The following MAPRE2 variants were observed in gnomAD, a reference collection of about 807,000 sequenced individuals.
MAPRE2 encodes the protein microtubule associated protein RP/EB family member 2, also known as microtubule-associated protein RP/EB family member 2.
A neutral mutation model predicts 43.2 loss-of-function variants in MAPRE2; 13 were observed. That is an observed-to-expected ratio of 0.30 (90% CI 0.20 to 0.48). The LOEUF (loss-of-function observed/expected upper bound fraction) is 0.48, where lower values mean the gene tolerates loss of function less well. MAPRE2 is among the 20% of genes least tolerant of loss of function. The probability of loss-of-function intolerance (pLI) is 0.99; values close to 1 mark genes in which losing one functional copy is unlikely to be tolerated. For missense variants in MAPRE2, 161 were observed against 400.2 expected, an observed-to-expected ratio of 0.40 and a Z score of 5.10; for synonymous variants, 135 against 148.8, an observed-to-expected ratio of 0.91 and a Z score of 0.68.
chr18:35,080,809 A>G (rs971215153), intron 2 of MAPRE2, among the ~76,000 whole-genome samples: 2 of 134,264 alleles, frequency 1.5e-5, no homozygotes, highest in African/African-American at 6.8e-5. Flanking sequence ...CATTTTTCAG[A>G]TTGCGTTTTT....
intron 2 of MAPRE2, among the ~76,000 whole-genome samples, chr18:35,025,562 T>C (rs778432290): frequency 1.9e-4 from 29 of 152,188 alleles, no homozygotes; most frequent in Admixed American, 3.3e-4. Flanking sequence ...TGTTCCCAAC[T>C]CTATGTGCTC....
intron 1 of MAPRE2, among the ~76,000 whole-genome samples, chr18:35,069,475 G>C (rs904043806): frequency 4.6e-5 from 7 of 152,024 alleles, no homozygotes; most frequent in Non-Finnish European, 7.4e-5. Flanking sequence ...ATCTGGCTTG[G>C]TAGGCTAGGA....
At chr18:35,092,268 A>G (rs1908188538) in intron 2 of MAPRE2, among the ~76,000 whole-genome samples, 1 of 152,220 alleles carries the variant, frequency 6.6e-6, no homozygotes, top group African/African-American at 2.4e-5. Context: ...CTGAAAATAG[A>G]TACATAGAAC....
intron 2 of MAPRE2, among the ~76,000 whole-genome samples, chr18:35,018,554 G>A (rs1416958956): frequency 6.6e-6 from 1 of 151,532 alleles, no homozygotes; most frequent in Non-Finnish European, 1.5e-5. Flanking sequence ...TCAATCTTGG[G>A]AGACTGTGTA....
intron 4 of MAPRE2, among the ~76,000 whole-genome samples, chr18:35,119,455 C>T (rs1335594744): frequency 6.6e-6 from 1 of 152,150 alleles, no homozygotes; most frequent in Non-Finnish European, 1.5e-5. Context: ...GTCTAGTTCC[C>T]CTGTTAGAAT....
At chr18:35,101,674 A>G (rs779117912) in intron 3 of MAPRE2, among the ~76,000 whole-genome samples, 8 of 152,194 alleles carry the variant, frequency 5.3e-5, no homozygotes, top group Non-Finnish European at 7.3e-5. Flanking sequence ...TTCACTTAGC[A>G]TAATGATCTC....
intron 1 of MAPRE2, among the ~76,000 whole-genome samples, chr18:35,045,323 GC>G (rs1434184599): frequency 3.3e-5 from 5 of 152,136 alleles, no homozygotes; most frequent in African/African-American, 1.2e-4. Flanking sequence ...CTGGCTCTCT[GC>G]CCACTGCATC....
chr18:35,094,617 A>C (rs1476270304), intron 2 of MAPRE2, among the ~76,000 whole-genome samples: 1 of 152,210 alleles, frequency 6.6e-6, no homozygotes, highest in Non-Finnish European at 1.5e-5. Context: ...TGAAAATAGT[A>C]GAAGTTAATC....
intron 5 of MAPRE2, chr18:35,127,305 G>C (rs1909951630): frequency 3.9e-6 from 2 of 508,994 alleles, no homozygotes; most frequent in Non-Finnish European, 3.5e-6. Context: ...CATTAAGATG[G>C]GGCAGATGGC....
In MAPRE2 at chr18:35,140,031, A is replaced by G. The variant is rs111854016; in HGVS notation, c.910-264A>G. Among the ~76,000 whole-genome samples, 880 of 152,328 alleles carry G rather than the reference A, an allele frequency of 5.8e-3. 8 individuals carry two copies. The highest frequency in any genetic ancestry group is 0.02 in the African/African-American group (849 of 41,570). Reference sequence around the variant, plus strand: ...TGTATTCTAAGAAGATTTCCTTCCAAAACAAAATAGTTGGGTGCCTAAAGC... The same window carrying G: ...TGTATTCTAAGAAGATTTCCTTCCAGAACAAAATAGTTGGGTGCCTAAAGC... On this transcript the variant is annotated intron_variant, in intron 6 of 6. Transcript: ENST00000300249.
At chr18:35,131,323 G>A (rs1910131492) in intron 5 of MAPRE2, among the ~76,000 whole-genome samples, 1 of 152,116 alleles carries the variant, frequency 6.6e-6, no homozygotes, top group South Asian at 2.1e-4. Flanking sequence ...TCCATTTCCT[G>A]CAGAAGATGA....
intron 1 of MAPRE2, among the ~76,000 whole-genome samples, chr18:35,063,129 A>T (rs1906619273): frequency 6.6e-6 from 1 of 151,560 alleles, no homozygotes; most frequent in Admixed American, 6.6e-5. Context: ...TTTGAGATGG[A>T]GTCTCACTCT....
chr18:35,139,430 C>T lies in MAPRE2; in HGVS notation c.910-865C>T, dbSNP rs531944793. On this transcript the variant is annotated intron_variant, in intron 6 of 6. Coordinates refer to ENST00000300249, the MANE Select transcript of MAPRE2 (RefSeq NM_014268.4). The stretch of plus-strand genomic sequence containing the variant: ...CAGAAAATGAATGAATGTACAGATA[C>T]GGCTGACTGAGGCTAGTGCTCCCTG... 8.5e-5 allele frequency among the ~76,000 whole-genome samples: 13 copies of T among 152,316 alleles called. No individual in the cohort carries two copies. In the South Asian group the frequency reaches 1.9e-3, roughly 22 times the overall value.
At chr18:35,101,482 A>G (rs547342158) in intron 3 of MAPRE2, among the ~76,000 whole-genome samples, 31 of 152,256 alleles carry the variant, frequency 2.0e-4, no homozygotes, top group Middle Eastern at 3.4e-3. Flanking sequence ...TGTGCTATCA[A>G]ATAGTAGGTT....
At position 35,004,890 on chromosome 18, in the gene MAPRE2, C is replaced by A. The variant is rs1461801888; in HGVS notation, c.-69-602C>A. ...CCGAGATCGCGCCACTGCACTCCAG[C>A]CTGGGCGACAGAGCGAGACTCCATC... On this transcript the variant is annotated intron_variant, in intron 1 of 7. Coordinates refer to the MAPRE2 transcript ENST00000413393. Among the ~76,000 whole-genome samples the A allele has an allele frequency of 2.0e-5, 3 of 151,154 alleles. No individual in the cohort carries two copies. The East Asian group carries it at 5.8e-4, about 29-fold the overall frequency.
At chr18:35,033,464 C>T (rs2097048819) in intron 2 of MAPRE2, among the ~76,000 whole-genome samples, 1 of 149,716 alleles carries the variant, frequency 6.7e-6, no homozygotes, top group African/African-American at 2.4e-5. Flanking sequence ...GACAGGGATG[C>T]CCTCTCTCAC....
chr18:35,007,340 G>C (rs904776531), intron 2 of MAPRE2, among the ~76,000 whole-genome samples: 2 of 152,140 alleles, frequency 1.3e-5, no homozygotes, highest in African/African-American at 2.4e-5. Flanking sequence ...CTTCCAGGCT[G>C]GTGAAGAAAA....
intron 2 of MAPRE2, among the ~76,000 whole-genome samples, chr18:35,094,734 A>T (rs1908322637): frequency 6.6e-6 from 1 of 152,160 alleles, no homozygotes; most frequent in Non-Finnish European, 1.5e-5. Flanking sequence ...GATGCTAAGG[A>T]GCTGGGAACA....
intron 1 of MAPRE2, among the ~76,000 whole-genome samples, chr18:34,985,036 T>G (rs1213078203): frequency 1.0e-4 from 5 of 47,958 alleles, no homozygotes; most frequent in African/African-American, 4.1e-4. Flanking sequence ...ATAAAATATA[T>G]AATATATAAA....
Sources: gnomAD v4.1 joint callset for allele counts (sites outside exome capture counted in the v4.1 genomes callset) on GRCh38, gnomAD v4.1.1 for gene constraint, MANE v1.5 for transcripts, NCBI Gene and HGNC (gene_info 2026-07-23, HGNC 2026-07-21) for gene names.